Variants in PWWP2A observed in about 807,000 individuals in gnomAD.
PWWP2A encodes PWWP domain containing 2A.
PWWP2A carries 18 observed loss-of-function variants against 48.5 expected under a neutral mutation model. The ratio of observed to expected loss-of-function variants is 0.37; its 90% CI spans 0.26 to 0.55. The LOEUF is 0.55. Among genes scored for constraint, PWWP2A ranks in the 20% least tolerant of loss-of-function variants. PWWP2A has a pLI of 0.81. For missense variants in PWWP2A, 867 were observed against 976.4 expected (o/e 0.89, Z 1.49); for synonymous variants, 396 against 387.7 (o/e 1.02, Z -0.25).
chr5:160,065,901 TG>T (rs1314685511), intron 4 of PWWP2A, among the ~76,000 whole-genome samples: 3 of 152,212 alleles, frequency 2.0e-5, no homozygotes. Context: ...AACCTAGAGG[TG>T]TCAAAGATAG....
At chr5:160,099,147 C>A (rs559776854) in intron 1 of PWWP2A, among the ~76,000 whole-genome samples, 1 of 152,166 alleles carries the variant, frequency 6.6e-6, no homozygotes, top group African/African-American at 2.4e-5. Context: ...AAGACATTTA[C>A]GTCTCATGTG....
intron 1 of PWWP2A, chr5:160,108,631 T>C: frequency 7.9e-7 from 1 of 1,263,464 alleles, no homozygotes; most frequent in East Asian, 5.6e-5. Flanking sequence ...AGAAAAGAAA[T>C]CATTGTCTTG....
chr5:160,094,196 A>C (rs1755377369), intron 1 of PWWP2A, 131 bp from the exon 2 acceptor site: 1 of 1,163,890 alleles, frequency 8.6e-7, no homozygotes, highest in African/African-American at 1.5e-5. Flanking sequence ...AAAAAACAAG[A>C]CTACAAAAAT....
In PWWP2A at chr5:160,084,659, G is replaced by A. The variant is rs1025113427; in HGVS notation, c.1550-3889C>T. ...TTGCCGAAGCTGGTCTCAAACTCCT[G>A]GACTCAAATGATGCTCCTGCCTCGG... is the stretch of plus-strand genomic sequence containing the variant. On this transcript the variant is annotated intron_variant, in intron 2 of 3. Coordinates refer to the PWWP2A transcript ENST00000456329. Among the ~76,000 whole-genome samples the A allele has an allele frequency of 2.0e-5, 3 of 151,882 alleles. No individual in the cohort carries two copies. The South Asian group carries it at 6.2e-4, about 32-fold the overall frequency.
the PWWP2A span, among the ~76,000 whole-genome samples, chr5:160,055,734 A>C: frequency 8.5e-5 from 13 of 152,374 alleles, no homozygotes; most frequent in Middle Eastern, 3.4e-3. Flanking sequence ...GTGAGGGGTT[A>C]GAGGCCAGAG....
At chr5:160,051,112 T>C in the PWWP2A span, 1 of 1,582,280 alleles carries the variant, frequency 6.3e-7, no homozygotes, top group East Asian at 2.2e-5. Context: ...AACCCTTGTT[T>C]CTCCTCTTTT....
chr5:160,109,890 C>T (rs1462101154), intron 1 of PWWP2A, among the ~76,000 whole-genome samples: 1 of 128,750 alleles, frequency 7.8e-6, no homozygotes, highest in Admixed American at 8.4e-5. Flanking sequence ...CAGTAAATTG[C>T]AAGTGAATAA....
At position 160,078,089 on chromosome 5, in the gene PWWP2A, A is replaced by AT. The variant is rs368834593; in HGVS notation, c.*65dup. On this transcript the variant is annotated 3_prime_UTR_variant, in exon 4 of 4. Transcript: ENST00000456329. The surrounding 1 kb of genome is among the most constrained non-coding windows in gnomAD (Gnocchi z 4.2). ...GTGCAGCTTTAAAAACTCCAATTTCATTCAGTCCTGATGCTCTGGTGTTCT... is the reference window on the plus strand; with the variant it reads ...GTGCAGCTTTAAAAACTCCAATTTCATTTCAGTCCTGATGCTCTGGTGTTCT... The AT allele has an allele frequency of 4.2e-4, 581 of 1,393,962 alleles. 3 individuals carry two copies. The African/African-American group carries it at 7.2e-3, about 17-fold the overall frequency. 86.3% of individuals were successfully genotyped at this position (1,393,962 alleles called of 1,614,324 possible). A position where few individuals can be genotyped will look rare whatever the true frequency, so the allele number is the denominator to read the frequency against.
intron 1 of PWWP2A, among the ~76,000 whole-genome samples, chr5:160,104,122 CAAAAAAA>C (rs70990703): frequency 4.9e-5 from 3 of 61,762 alleles, no homozygotes; most frequent in East Asian, 1.1e-3. Context: ...GACTCTGTCT[CAAAAAAA>C]AAAAAAAAAA....
downstream of PWWP2A, chr5:160,089,992 A>AT: frequency 3.0e-6 from 3 of 984,982 alleles, no homozygotes; most frequent in Non-Finnish European, 3.6e-6. Flanking sequence ...TAGAATACAC[A>AT]TTTAAGATTA....
downstream of PWWP2A, among the ~76,000 whole-genome samples, chr5:160,056,977 C>CT (rs1326175035): frequency 7.1e-4 from 104 of 147,460 alleles, no homozygotes; most frequent in Non-Finnish European, 8.9e-4. Flanking sequence ...GAAACCCAGT[C>CT]TTTTTTTTTT....
At chr5:160,080,542 G>C in intron 3 of PWWP2A, 1 of 1,083,724 alleles carries the variant, frequency 9.2e-7, no homozygotes. Flanking sequence ...GAAAACTAAA[G>C]AAAAAGAACT....
At chr5:160,110,656 ACAT>A (rs1757465580) in intron 1 of PWWP2A, among the ~76,000 whole-genome samples, 1 of 152,092 alleles carries the variant, frequency 6.6e-6, no homozygotes, top group African/African-American at 2.4e-5. Flanking sequence ...CGGTGAGCCG[ACAT>A]CATGCCATTG....
At chr5:160,061,590 A>G (rs1753402048), downstream of PWWP2A, among the ~76,000 whole-genome samples, 1 of 151,908 alleles carries the variant, frequency 6.6e-6, no homozygotes, top group African/African-American at 2.4e-5. Flanking sequence ...TGTGCCTTTT[A>G]TTATGTGTCT....
chr5:160,106,529 A>G lies in PWWP2A; in HGVS notation c.584+12276T>C, dbSNP rs560741155. On this transcript the variant is annotated intron_variant, in intron 1 of 1. Coordinates refer to ENST00000307063, the MANE Select transcript of PWWP2A (RefSeq NM_001130864.2). Reference sequence around the variant, plus strand: ...AAAATAAACAAAAATTTAAAACCTCACACATTAAAAAAACAAGAAATATGC... The same window carrying G: ...AAAATAAACAAAAATTTAAAACCTCGCACATTAAAAAAACAAGAAATATGC... Among the ~76,000 whole-genome samples, 38 of 152,264 alleles carry G rather than the reference A, an allele frequency of 2.5e-4. 1 individual carries two copies. The South Asian group carries it at 7.0e-3, about 28-fold the overall frequency.
chr5:160,068,235 C>T (rs1161508238), intron 2 of PWWP2A, among the ~76,000 whole-genome samples: 1 of 152,106 alleles, frequency 6.6e-6, no homozygotes, highest in Non-Finnish European at 1.5e-5. Flanking sequence ...AAAAGCATAC[C>T]AGAATTTACT....
intron 1 of PWWP2A, among the ~76,000 whole-genome samples, chr5:160,095,239 T>C (rs932867072): frequency 2.0e-5 from 3 of 152,006 alleles, no homozygotes; most frequent in Non-Finnish European, 1.5e-5. Context: ...TTAAACTGAT[T>C]TGAAAACTCC....
At chr5:160,106,589 G>A (rs1024779844) in intron 1 of PWWP2A, among the ~76,000 whole-genome samples, 1 of 151,986 alleles carries the variant, frequency 6.6e-6, no homozygotes, top group African/African-American at 2.4e-5. Flanking sequence ...GGGATTATGA[G>A]TTTTAAAAGG....
intron 2 of PWWP2A, among the ~76,000 whole-genome samples, chr5:160,082,219 T>C (rs111495908): frequency 0.013 from 1,985 of 151,800 alleles, 49 homozygotes; most frequent in African/African-American, 0.046. Context: ...CCGAGGCGGG[T>C]GGATCACGAG....
Sources: allele counts gnomAD v4.1 joint callset (sites outside exome capture counted in the v4.1 genomes callset), GRCh38; gene constraint gnomAD v4.1.1; non-coding constraint Gnocchi (gnomAD v3.1); transcripts MANE v1.5; gene names NCBI Gene and HGNC (gene_info 2026-07-23, HGNC 2026-07-21).